Variants in FMN1 observed in about 807,000 individuals in gnomAD.
FMN1 encodes formin 1, also known as formin-1.
In FMN1, 110 loss-of-function variants were observed where a neutral mutation model predicts 132.4. The ratio of observed to expected loss-of-function variants is 0.83; its 90% CI spans 0.71 to 0.97. The LOEUF is 0.97. Among genes scored for constraint, FMN1 ranks in the 50% least tolerant of loss-of-function variants. The pLI is 0.00. For synonymous variants in FMN1, 722 were observed against 651.7 expected (o/e 1.11, Z -1.64); for missense variants, 1,792 against 1,705.3 (o/e 1.05, Z -0.90).
At chr15:33,150,573 G>A in intron 4 of FMN1, 1 of 985,440 alleles carries the variant, frequency 1.0e-6, no homozygotes, top group Non-Finnish European at 1.2e-6. Flanking sequence ...CATCCTGCAT[G>A]AATGGTAATG....
chr15:32,939,263 G>A (rs1393599310), intron 9 of FMN1, among the ~76,000 whole-genome samples: 2 of 152,028 alleles, frequency 1.3e-5, no homozygotes, highest in Non-Finnish European at 2.9e-5. Flanking sequence ...GAATTTTTAC[G>A]GTAATTCATT....
Position 32,969,319 on chromosome 15 carries a change from G to C in FMN1, c.2382C>G (p.Asp794Glu), listed in dbSNP as rs1280418743. The C allele has an allele frequency of 1.9e-6, 3 of 1,613,876 alleles. No homozygotes were observed. Among genetic ancestry groups the C allele is most frequent in the South Asian group, 2.2e-5 (2 of 91,090 alleles). The part of the protein sequence containing the change: ...RKDVCISTDD[D>E]CPPKTFRNVC... The stretch of plus-strand genomic sequence containing the variant: ...CATTTCTGAAGGTCTTTGGAGGGCA[G>C]TCATCATCGGTGGAAATGCACACAT... The change falls in exon 8 of 21, where the codon GAC (aspartate) becomes GAG (glutamate). Residue 794 changes from aspartate (D) to glutamate (E), a missense_variant. Asp to Glu is a conservative substitution (Grantham distance 45, BLOSUM62 2). Around this residue, in one of 3 missense-constraint regions of FMN1, gnomAD observed 1,150 missense variants for 1,043.1 expected, o/e 1.10. Coordinates refer to ENST00000616417, the MANE Select transcript of FMN1 (RefSeq NM_001277313.2).
rs1009020808 is a variant in FMN1 at position 33,153,721 on chromosome 15, C to T, written c.1194G>A (p.Ser398=). ...KERQGDRSSQ[S]PAGETASISS... is the part of the protein sequence containing the mutation. ...AAATGGAGGCTGTTTCCCCGGCTGGCGACTGCGATGACCTATCCCCTTGCC... is the reference window on the plus strand; with the variant it reads ...AAATGGAGGCTGTTTCCCCGGCTGGTGACTGCGATGACCTATCCCCTTGCC... Residue 398 remains serine, a synonymous_variant, in exon 4 of 21, where the codon TCG becomes TCA. Transcript: ENST00000616417. 19 of 1,536,138 alleles carry T rather than the reference C, an allele frequency of 1.2e-5. No individual in the cohort carries two copies. In the East Asian group the frequency reaches 1.5e-4, roughly 12 times the overall value.
chr15:33,067,466 G>A (rs368212730), intron 5 of FMN1: 3 of 1,613,884 alleles, frequency 1.9e-6, no homozygotes, highest in African/African-American at 1.3e-5. Flanking sequence ...GTGCACCAGG[G>A]TCCCACGAAC....
rs562844891 is a variant in FMN1 at position 32,770,599 on chromosome 15, A to T, written c.*3711T>A. The T allele has an allele frequency of 5.3e-5, 8 of 152,186 alleles. No homozygotes were observed. The highest frequency in any genetic ancestry group is 1.3e-4 in the Admixed American group (2 of 15,274). The allele number at this position is 152,186 out of a possible 1,614,324, so 9.4% of individuals were successfully genotyped here. A position where few individuals can be genotyped will look rare whatever the true frequency, so the allele number is the denominator to read the frequency against. On this transcript the variant is annotated 3_prime_UTR_variant, in exon 21 of 21. Transcript: ENST00000616417. ...CCAGTTTCTTTACCAGCAGTATCTG[A>T]ACTTTTCATTTAGGAAACACCATTC...
At position 33,004,559 on chromosome 15, in the gene FMN1, A is replaced by G. The variant is rs532983928; in HGVS notation, c.2223+3455T>C. Among the ~76,000 whole-genome samples, 8 of 152,128 alleles carry G rather than the reference A, an allele frequency of 5.3e-5. No homozygotes were observed. The East Asian group carries it at 1.2e-3, about 22-fold the overall frequency. ...AACAACAGGTGCTGGAGAGGATGTG[A>G]AGAAATAGGAACACTTTTACACTGT... On this transcript the variant is annotated intron_variant, in intron 7 of 20. Coordinates refer to ENST00000616417, the MANE Select transcript of FMN1 (RefSeq NM_001277313.2).
chr15:32,884,952 C>T (rs2059860002), intron 16 of FMN1, among the ~76,000 whole-genome samples: 1 of 148,466 alleles, frequency 6.7e-6, no homozygotes, highest in African/African-American at 2.5e-5. Flanking sequence ...GGTACATGCC[C>T]TTAATCAGCT....
At chr15:33,171,185 A>G (rs1038357337) in intron 3 of FMN1, among the ~76,000 whole-genome samples, 1 of 152,178 alleles carries the variant, frequency 6.6e-6, no homozygotes. Context: ...GTAAGTAGAG[A>G]GCAGAATTAT....
In FMN1 at chr15:33,153,030, T is replaced by A; in HGVS notation, c.1867+18A>T. On this transcript the variant is annotated intron_variant, in intron 4 of 20. Coordinates refer to ENST00000616417, the MANE Select transcript of FMN1 (RefSeq NM_001277313.2). Reference sequence around the variant, plus strand: ...ATCAGCCAAGAATAGATTCAAAGCATCTTAAACAGAGACTAACCTGGAGGT... The same window carrying A: ...ATCAGCCAAGAATAGATTCAAAGCAACTTAAACAGAGACTAACCTGGAGGT... 6.7e-7 allele frequency: 1 copy of A among 1,490,914 alleles called. No homozygotes were observed. The highest frequency in any genetic ancestry group is 1.3e-5 in the South Asian group (1 of 75,510). The allele number at this position is 1,490,914 out of a possible 1,614,324, so 92.4% of individuals were successfully genotyped here.
chr15:33,110,555 G>A (rs760994287), intron 4 of FMN1, among the ~76,000 whole-genome samples: 4 of 151,916 alleles, frequency 2.6e-5, no homozygotes, highest in Non-Finnish European at 5.9e-5. Flanking sequence ...TAACCAAGGA[G>A]AGCATTTTTT....
intron 5 of FMN1, chr15:33,066,605 A>G: frequency 6.2e-7 from 1 of 1,613,748 alleles, no homozygotes; most frequent in African/African-American, 1.3e-5. Context: ...CTTGCGCTTG[A>G]GAGCTTCCAG....
At chr15:32,852,167 T>C (rs1485929519) in intron 17 of FMN1, among the ~76,000 whole-genome samples, 6 of 152,176 alleles carry the variant, frequency 3.9e-5, no homozygotes, top group African/African-American at 1.4e-4. Context: ...GCGTCTCACA[T>C]GTACAAAGTT....
intron 6 of FMN1, among the ~76,000 whole-genome samples, chr15:33,010,707 G>A (rs1329335952): frequency 6.6e-6 from 1 of 151,936 alleles, no homozygotes; most frequent in Non-Finnish European, 1.5e-5. Context: ...TAAAATATTA[G>A]AATATGCATG....
chr15:32,863,722 C>G, intron 16 of FMN1, among the ~76,000 whole-genome samples: 1 of 152,226 alleles, frequency 6.6e-6, no homozygotes, highest in East Asian at 1.9e-4. Flanking sequence ...TTAGTAAGAA[C>G]AGGACCGTCT....
chr15:33,019,931 A>G (rs550549727), intron 6 of FMN1, among the ~76,000 whole-genome samples: 1 of 152,312 alleles, frequency 6.6e-6, no homozygotes, highest in South Asian at 2.1e-4. Context: ...CCACGGGTGC[A>G]GTGGTGGGCT....
intron 6 of FMN1, among the ~76,000 whole-genome samples, chr15:33,023,071 AAAAAAAG>A (rs1259607515): frequency 1.8e-4 from 13 of 72,962 alleles, no homozygotes; most frequent in Admixed American, 6.0e-4. Context: ...AAAAAAAAAA[AAAAAAAG>A]AAAAAAAAGA....
At chr15:32,987,262 T>G (rs1255736555) in intron 7 of FMN1, among the ~76,000 whole-genome samples, 1 of 152,140 alleles carries the variant, frequency 6.6e-6, no homozygotes, top group Admixed American at 6.5e-5. Context: ...CTGTAGCGTT[T>G]CATACCATTG....
At chr15:33,040,992 G>A (rs2036408013) in intron 6 of FMN1, among the ~76,000 whole-genome samples, 1 of 152,088 alleles carries the variant, frequency 6.6e-6, no homozygotes, top group East Asian at 1.9e-4. Flanking sequence ...TCAAAAGGTT[G>A]ATTATTTTGG....
At chr15:32,890,561 ATCT>A (rs755475073) in intron 15 of FMN1, among the ~76,000 whole-genome samples, 1 of 152,116 alleles carries the variant, frequency 6.6e-6, no homozygotes, top group Non-Finnish European at 1.5e-5. Flanking sequence ...CCATTTGTAT[ATCT>A]TCTTTTGGGA....
Sources: allele counts gnomAD v4.1 joint callset (sites outside exome capture counted in the v4.1 genomes callset), GRCh38; gene constraint gnomAD v4.1.1; regional missense constraint gnomAD v4.1.1; transcripts MANE v1.5; gene names NCBI Gene and HGNC (gene_info 2026-07-23, HGNC 2026-07-21).